The following NMNAT1 variants were observed in gnomAD, a reference collection of about 807,000 sequenced individuals.
The protein encoded by NMNAT1 is nicotinamide nucleotide adenylyltransferase 1.
NMNAT1 carries 11 observed loss-of-function variants against 16.7 expected under a neutral mutation model. That is an observed-to-expected ratio of 0.66 (90% confidence interval 0.41 to 1.09). The LOEUF is 1.09. Ranked by LOEUF, NMNAT1 falls within the 50% of genes least tolerant of loss-of-function variation. The probability of loss-of-function intolerance (pLI) is 0.00; values close to 1 mark genes in which losing one functional copy is unlikely to be tolerated. For synonymous variants in NMNAT1, 110 were observed against 119.8 expected (o/e 0.92, Z 0.53); for missense variants, 280 against 332.3 (o/e 0.84, Z 1.22).
the NMNAT1 span, among the ~76,000 whole-genome samples, chr1:9,991,798 G>A: frequency 6.6e-6 from 1 of 152,052 alleles, no homozygotes; most frequent in Non-Finnish European, 1.5e-5. Flanking sequence ...TGTGTATTAG[G>A]AGCATATAGG....
intron 2 of NMNAT1, among the ~76,000 whole-genome samples, chr1:9,974,326 A>T (rs1362088931): frequency 2.0e-5 from 3 of 151,470 alleles, no homozygotes; most frequent in Non-Finnish European, 2.9e-5. Context: ...CCCGGACTCA[A>T]GTGAGCTGCC....
chr1:9,981,227 C>A (rs1283112257), intron 4 of NMNAT1, 57 bp downstream of exon 4: 1 of 1,565,510 alleles, frequency 6.4e-7, no homozygotes, highest in African/African-American at 1.4e-5. Context: ...TGTAGCTGAG[C>A]AAACCCCTGT....
chr1:9,971,134 C>G (rs1204085749), intron 1 of NMNAT1, among the ~76,000 whole-genome samples: 1 of 152,082 alleles, frequency 6.6e-6, no homozygotes, highest in East Asian at 1.9e-4. Flanking sequence ...AGCATCGGTG[C>G]TCTCCCACAT....
chr1:9,981,957 G>T (rs961341845), intron 4 of NMNAT1, among the ~76,000 whole-genome samples: 1 of 151,822 alleles, frequency 6.6e-6, no homozygotes, highest in Non-Finnish European at 1.5e-5. Context: ...TCTGCCTCCC[G>T]AGTTCAAGTG....
At chr1:9,955,473 C>T (rs923211400) in intron 1 of NMNAT1, among the ~76,000 whole-genome samples, 4 of 147,782 alleles carry the variant, frequency 2.7e-5, no homozygotes, top group South Asian at 2.1e-4. Context: ...GGTGTGGTGG[C>T]GCATGCCTGT....
upstream of NMNAT1, chr1:9,942,979 C>T: frequency 2.8e-6 from 1 of 350,972 alleles, no homozygotes; most frequent in South Asian, 2.2e-5. Context: ...AATCCCGCAT[C>T]CGGACACGCC....
chr1:9,981,940 T>G (rs1225596506), intron 4 of NMNAT1, among the ~76,000 whole-genome samples: 2 of 152,164 alleles, frequency 1.3e-5, no homozygotes, highest in African/African-American at 2.4e-5. Flanking sequence ...CTCGGCTTAC[T>G]GCAACCTCTG....
intron 1 of NMNAT1, among the ~76,000 whole-genome samples, chr1:9,971,301 T>A (rs1466956291): frequency 2.0e-5 from 3 of 152,090 alleles, no homozygotes; most frequent in Non-Finnish European, 2.9e-5. Context: ...AGAGTTAGCA[T>A]AATGATTGAA....
intron 2 of NMNAT1, chr1:9,972,446 A>T (rs1048842451): frequency 4.9e-5 from 13 of 263,286 alleles, no homozygotes; most frequent in African/African-American, 1.1e-4. Context: ...CAGTGAGCTG[A>T]GATTGCTGCA....
intron 3 of NMNAT1, among the ~76,000 whole-genome samples, chr1:9,976,296 A>C (rs1397297614): frequency 6.6e-6 from 1 of 152,004 alleles, no homozygotes; most frequent in Admixed American, 6.6e-5. Flanking sequence ...CAAAAAAAAA[A>C]AAAAAAAAAG....
chr1:9,966,425 C>T (rs1196975023), intron 1 of NMNAT1, among the ~76,000 whole-genome samples: 1 of 152,088 alleles, frequency 6.6e-6, no homozygotes, highest in Non-Finnish European at 1.5e-5. Context: ...CCAGCCTAGC[C>T]AACATGGTGA....
chr1:9,967,255 AATT>A (rs1195942901), intron 1 of NMNAT1: 2 of 153,008 alleles, frequency 1.3e-5, no homozygotes, highest in African/African-American at 4.8e-5. Context: ...AATTATTTGA[AATT>A]ATTGAGTTGA....
intron 1 of NMNAT1, among the ~76,000 whole-genome samples, chr1:9,971,000 A>G (rs560783166): frequency 6.6e-6 from 1 of 152,258 alleles, no homozygotes; most frequent in African/African-American, 2.4e-5. Context: ...TGTTGGCTTG[A>G]CGATCTGAGC....
downstream of NMNAT1, among the ~76,000 whole-genome samples, chr1:9,986,494 G>A (rs1642047359): frequency 6.6e-6 from 1 of 152,208 alleles, no homozygotes; most frequent in Admixed American, 6.6e-5. Context: ...CACTTTGGAA[G>A]GCCAAGGTGG....
upstream of NMNAT1, chr1:9,942,996 G>A (rs1035347768): frequency 3.2e-5 from 11 of 341,788 alleles, no homozygotes; most frequent in African/African-American, 8.6e-5. Flanking sequence ...CGCCTTGAGG[G>A]ATGGCGTCAA....
At chr1:9,966,649 A>G (rs1399420969) in intron 1 of NMNAT1, among the ~76,000 whole-genome samples, 1 of 152,104 alleles carries the variant, frequency 6.6e-6, no homozygotes, top group Non-Finnish European at 1.5e-5. Flanking sequence ...ATATACAAAT[A>G]TTTATTTGAA....
chr1:9,951,647 G>A (rs1226835894), intron 1 of NMNAT1, among the ~76,000 whole-genome samples: 1 of 151,916 alleles, frequency 6.6e-6, no homozygotes, highest in Non-Finnish European at 1.5e-5. Flanking sequence ...GCTAATTTTT[G>A]TAATTTTTGT....
intron 1 of NMNAT1, chr1:9,950,765 ACTT>A (rs1201492065): frequency 6.6e-6 from 1 of 152,156 alleles, no homozygotes; most frequent in African/African-American, 2.4e-5. Context: ...TGCTTTTCAT[ACTT>A]CTTAGCTTCT....
the NMNAT1 span, among the ~76,000 whole-genome samples, chr1:9,993,150 C>A: frequency 1.3e-5 from 2 of 152,004 alleles, no homozygotes; most frequent in African/African-American, 4.8e-5. Context: ...CTTTGTGAAC[C>A]TAACCATGAG....
Sources: gnomAD v4.1 joint callset for allele counts (sites outside exome capture counted in the v4.1 genomes callset) on GRCh38, gnomAD v4.1.1 for gene constraint, MANE v1.5 for transcripts, NCBI Gene and HGNC (gene_info 2026-07-23, HGNC 2026-07-21) for gene names.